Variants in MBD1 observed in about 807,000 individuals in gnomAD.
MBD1 encodes methyl-CpG binding domain protein 1.
MBD1 carries 25 observed loss-of-function variants against 82.6 expected under a neutral mutation model. The ratio of observed to expected loss-of-function variants is 0.30; its 90% CI spans 0.22 to 0.42. The LOEUF (loss-of-function observed/expected upper bound fraction) is 0.42, where lower values mean the gene tolerates loss of function less well. MBD1 is among the 10% of genes least tolerant of loss of function. MBD1 has a pLI of 1.00. For synonymous variants in MBD1, 301 were observed against 303.7 expected (o/e 0.99, Z 0.09); for missense variants, 627 against 819.6 (o/e 0.76, Z 2.87).
At position 50,275,820 on chromosome 18, in the gene MBD1, AC is replaced by A; in HGVS notation, c.663+14del. On this transcript the variant is annotated intron_variant, in intron 7 of 16. Transcript: ENST00000269468. ...CCGAGGTGAGCCTTGGGCTCTTTCC[AC>A]TTGCCCAACTCACCCTTTCCACAAT... 1 of 1,614,062 alleles carries A rather than the reference AC, an allele frequency of 6.2e-7. No homozygotes were observed. The highest frequency in any genetic ancestry group is 1.1e-5 in the South Asian group (1 of 91,078).
At chr18:50,281,227 C>G (rs2040149413) in intron 1 of MBD1, 136 bp downstream of exon 1, 1 of 1,534,726 alleles carries the variant, frequency 6.5e-7, no homozygotes. Context: ...TTCTCCTCGT[C>G]AGTATTCCGA....
chr18:50,276,578 C>T, intron 5 of MBD1, 84 bp downstream of exon 5: 1 of 1,520,000 alleles, frequency 6.6e-7, no homozygotes, highest in Non-Finnish European at 9.1e-7. Flanking sequence ...GTCCTGACAT[C>T]CACATTCAAA....
Position 50,270,189 on chromosome 18 carries a change from T to C in MBD1, c.*33-371A>G, listed in dbSNP as rs762504043. 6 of 1,588,662 alleles carry C rather than the reference T, an allele frequency of 3.8e-6. No homozygotes were observed. In the African/African-American group the frequency reaches 4.0e-5, roughly 11 times the overall value. On this transcript the variant is annotated intron_variant, in intron 16 of 16. Transcript: ENST00000269468. ...GGGGAAGGTGGCAGAGGCTGGACTGTATGAGACAGAACTGGGAAATGGCTA... is the reference window on the plus strand; with the variant it reads ...GGGGAAGGTGGCAGAGGCTGGACTGCATGAGACAGAACTGGGAAATGGCTA...
rs1259349117 is a variant in MBD1 at position 50,269,784 on chromosome 18, A to G, written c.*67T>C. ...GTGTCCTCGGTCTCCCACACTTTACATCCATCTTCCCTTCCCGAGTGCCTG... is the reference window on the plus strand; with the variant it reads ...GTGTCCTCGGTCTCCCACACTTTACGTCCATCTTCCCTTCCCGAGTGCCTG... On this transcript the variant is annotated 3_prime_UTR_variant, in exon 17 of 17. Coordinates refer to ENST00000269468, the MANE Select transcript of MBD1 (RefSeq NM_015846.4). 1.3e-6 allele frequency: 1 copy of G among 784,692 alleles called. No homozygotes were observed. Among genetic ancestry groups the G allele is most frequent in the Admixed American group, 1.7e-5 (1 of 59,038 alleles). 48.6% of individuals were successfully genotyped at this position (784,692 alleles called of 1,614,324 possible).
In MBD1 at chr18:50,274,290, T is replaced by G; in HGVS notation, c.1042A>C (p.Met348Leu). 1 of 1,613,820 alleles carries G rather than the reference T, an allele frequency of 6.2e-7. No individual in the cohort carries two copies. Among genetic ancestry groups the G allele is most frequent in the Non-Finnish European group, 8.5e-7 (1 of 1,179,998 alleles). The change falls in exon 11 of 17, where the codon ATG (methionine) becomes CTG (leucine). Residue 348 changes from methionine to leucine, a missense_variant. By Grantham distance (15) the Met-to-Leu change is conservative. Transcript: ENST00000269468. ...CGACAACLRRMDCGRCDFCCD... is the reference protein window; with the variant it reads ...CGACAACLRRLDCGRCDFCCD... ...CAGAAGTCGCAGCGGCCACAGTCCA[T>G]CCGCCGTAGGCAGGCTGCACAGGCC...
Position 50,275,639 on chromosome 18 carries a change from G to C in MBD1, c.753C>G (p.Leu251=), listed in dbSNP as rs765248488. ...PICLRPPRPG[L]RRQWKCVQRR... is the part of the protein sequence containing the mutation. ...GCTGGACACATTTCCACTGGCGCCTGAGACCAGGGCGGGGAGGGCGAAGGC... is the reference window on the plus strand; with the variant it reads ...GCTGGACACATTTCCACTGGCGCCTCAGACCAGGGCGGGGAGGGCGAAGGC... The change falls in exon 8 of 17, where the codon CTC becomes CTG. Residue 251 remains leucine (L), a synonymous_variant. Transcript: ENST00000269468. 3 of 1,614,240 alleles carry C rather than the reference G, an allele frequency of 1.9e-6. No individual in the cohort carries two copies. The Admixed American group carries it at 5.0e-5, about 27-fold the overall frequency.
In MBD1 at chr18:50,274,974, C is replaced by G; in HGVS notation, c.978+3G>C. The G allele has an allele frequency of 6.2e-7, 1 of 1,611,610 alleles. No individual in the cohort carries two copies. The highest frequency in any genetic ancestry group is 8.5e-7 in the Non-Finnish European group (1 of 1,179,020). On this transcript the variant is annotated splice_donor_region_variant and intron_variant, in intron 10 of 16. Coordinates refer to ENST00000269468, the MANE Select transcript of MBD1 (RefSeq NM_015846.4). ...CTTATCCAGGTAGGGTGGGGCCACT[C>G]ACTAGCTCGTCCTCGTCTACACAGT...
chr18:50,267,781 T>C (rs1053607956), downstream of MBD1: 4 of 705,882 alleles, frequency 5.7e-6, no homozygotes, highest in African/African-American at 3.5e-5. Context: ...ATATAATAAG[T>C]ACAACTAATG....
rs1178268250 is a variant in MBD1, at chr18:50,279,098, C to T, written c.110+785G>A. 3.9e-5 allele frequency among the ~76,000 whole-genome samples: 6 copies of T among 152,330 alleles called. No homozygotes were observed. In the East Asian group the frequency reaches 5.8e-4, roughly 15 times the overall value. On this transcript the variant is annotated intron_variant, in intron 2 of 16. Transcript: ENST00000269468. ...CATGCAGGTTTAACATGTTTCATGC[C>T]ATGTCGCCTTTTGAAATGTGCAAGT... is the stretch of plus-strand genomic sequence containing the variant.
intron 2 of MBD1, among the ~76,000 whole-genome samples, chr18:50,277,814 C>G (rs1270926165): frequency 6.6e-6 from 1 of 151,992 alleles, no homozygotes; most frequent in Admixed American, 6.6e-5. Context: ...GGAAAGTATA[C>G]TTTTTCCAAA....
intron 16 of MBD1, chr18:50,270,332 A>C: frequency 1.4e-6 from 1 of 703,964 alleles, no homozygotes; most frequent in Non-Finnish European, 2.6e-6. Context: ...AAGCTGGCTA[A>C]CAAATTACAG....
intron 16 of MBD1, 163 bp downstream of exon 16, chr18:50,271,306 T>G (rs1272978493): frequency 6.6e-7 from 1 of 1,512,748 alleles, no homozygotes; most frequent in African/African-American, 1.4e-5. Flanking sequence ...CTTTCCCGCT[T>G]ACTTCTTCTA....
Position 50,281,133 on chromosome 18 carries a change from C to G in MBD1, c.-26+230G>C, listed in dbSNP as rs193064285. ...CGTTCTGATCTCCACCATTCCTCTC[C>G]GTCCTCGTCCCAGGATCCCGACACT... On this transcript the variant is annotated intron_variant, in intron 1 of 16. Transcript: ENST00000269468. 782 of 1,529,568 alleles carry G rather than the reference C, an allele frequency of 5.1e-4. 6 individuals carry two copies. In the East Asian group the frequency reaches 0.014, roughly 27 times the overall value. The allele number at this position is 1,529,568 out of a possible 1,614,324, so 94.7% of individuals were successfully genotyped here.
chr18:50,274,453 A>G, intron 10 of MBD1, 100 bp from the exon 11 acceptor site: 1 of 1,306,950 alleles, frequency 7.7e-7, no homozygotes. Flanking sequence ...TAGCCCCATA[A>G]GACGGAGCTA....
In MBD1 at chr18:50,273,261, T is replaced by C. The variant is rs2036378691; in HGVS notation, c.1584+73A>G. 7 of 1,587,710 alleles carry C rather than the reference T, an allele frequency of 4.4e-6. No individual in the cohort carries two copies. The South Asian group carries it at 4.5e-5, about 10-fold the overall frequency. ...TCTATTGCTCTGCTCAAGAGAACCA[T>C]CATGGCTCATCATCACTCTGCTTAC... On this transcript the variant is annotated intron_variant, in intron 13 of 16. Transcript: ENST00000269468.
downstream of MBD1, chr18:50,266,949 T>G (rs1202369123): frequency 6.3e-6 from 1 of 159,756 alleles, no homozygotes; most frequent in Non-Finnish European, 1.4e-5. Context: ...ACCTCACAGA[T>G]TTTTTCTGAG....
intron 2 of MBD1, 40 bp from the exon 3 acceptor site, chr18:50,277,244 C>G (rs1329702590): frequency 6.7e-7 from 1 of 1,492,684 alleles, no homozygotes; most frequent in Non-Finnish European, 9.3e-7. Context: ...CAGGTGGAGC[C>G]AATGCCATTT....
chr18:50,280,121 C>T, intron 1 of MBD1, 104 bp from the exon 2 acceptor site: 9 of 1,169,630 alleles, frequency 7.7e-6, no homozygotes, highest in Non-Finnish European at 1.1e-5. Flanking sequence ...CTTGCCCAAG[C>T]CCTAGGACCT....
chr18:50,281,209 C>A (rs1039004071), intron 1 of MBD1, 154 bp downstream of exon 1: 2 of 1,534,350 alleles, frequency 1.3e-6, no homozygotes, highest in Admixed American at 2.0e-5. Context: ...CAGCCTAAAT[C>A]CCCCCATTTC....
Sources: allele counts gnomAD v4.1 joint callset (sites outside exome capture counted in the v4.1 genomes callset), GRCh38; gene constraint gnomAD v4.1.1; transcripts MANE v1.5; gene names NCBI Gene and HGNC (gene_info 2026-07-23, HGNC 2026-07-21).